TJP2: variants seen among roughly 807,000 people sequenced by gnomAD.
TJP2 encodes the protein Friedreich ataxia region gene X104 (tight junction protein ZO-2).
TJP2 carries 91 observed loss-of-function variants against 133.1 expected under a neutral mutation model. The ratio of observed to expected loss-of-function variants is 0.68; its 90% confidence interval spans 0.58 to 0.81. The LOEUF is 0.81. Ranked by LOEUF, TJP2 falls within the 40% of genes least tolerant of loss-of-function variation. TJP2 has a pLI of 0.00. For synonymous variants in TJP2, 592 were observed against 583.4 expected (o/e 1.01, Z -0.21); for missense variants, 1,541 against 1,565.6 (o/e 0.98, Z 0.26).
upstream of TJP2, among the ~76,000 whole-genome samples, chr9:69,171,953 G>A (rs1222730389): frequency 6.6e-6 from 1 of 151,922 alleles, no homozygotes; most frequent in Non-Finnish European, 1.5e-5. Flanking sequence ...GCGCCACCAC[G>A]CCCAGCTAAT....
Position 69,254,509 on chromosome 9 carries a change from A to C in TJP2, c.*135A>C. The C allele has an allele frequency of 8.6e-7, 1 of 1,159,696 alleles. No individual in the cohort carries two copies. 71.8% of individuals were successfully genotyped at this position (1,159,696 alleles called of 1,614,324 possible). On this transcript the variant is annotated 3_prime_UTR_variant, in exon 23 of 23. Transcript: ENST00000377245. The stretch of plus-strand genomic sequence containing the variant: ...GTGGGACTCCAGCTCGTGTGTCCTC[A>C]TGGAGAACCCAGGGGACAGCTGGTG...
intron 1 of TJP2, among the ~76,000 whole-genome samples, chr9:69,206,118 T>C (rs576100534): frequency 1.4e-4 from 22 of 152,348 alleles, no homozygotes; most frequent in African/African-American, 4.6e-4. Context: ...TAACTTTCCA[T>C]GAGGTCTTAA....
At chr9:69,237,779 C>A in intron 14 of TJP2, 99 bp from the exon 15 acceptor site, 1 of 858,348 alleles carries the variant, frequency 1.2e-6, no homozygotes, top group Non-Finnish European at 2.0e-6. Context: ...CAGTTTCTTT[C>A]GTTTAGTTAT....
intron 19 of TJP2, chr9:69,248,511 T>G (rs528557056): frequency 7.7e-7 from 1 of 1,295,128 alleles, no homozygotes; most frequent in Non-Finnish European, 9.8e-7. Flanking sequence ...CTGTCCAAAT[T>G]ACCAGCGGAA....
chr9:69,168,509 T>C (rs1165276104), intron 2 of TJP2, among the ~76,000 whole-genome samples: 3 of 152,028 alleles, frequency 2.0e-5, no homozygotes, highest in South Asian at 2.1e-4. Flanking sequence ...AAAGTGATCA[T>C]GAGGGCAGGA....
At chr9:69,157,592 A>G (rs1823839063) in intron 2 of TJP2, among the ~76,000 whole-genome samples, 1 of 151,666 alleles carries the variant, frequency 6.6e-6, no homozygotes, top group African/African-American at 2.4e-5. Context: ...CAGCCTCTTG[A>G]GTAGCTGGGA....
rs1588150993 is a variant in TJP2, at chr9:69,246,479, C to G, written c.2567-211C>G. ...AAATCTATTTTTAGCTTTATCACAT[C>G]CACCTATAATGTGAACTCAAACAGC... On this transcript the variant is annotated intron_variant, in intron 17 of 22. Transcript: ENST00000377245. 5.4e-6 allele frequency: 3 copies of G among 559,716 alleles called. No homozygotes were observed. In the East Asian group the frequency reaches 9.6e-5, roughly 18 times the overall value. The allele number at this position is 559,716 out of a possible 1,614,324, so 34.7% of individuals were successfully genotyped here. A position where few individuals can be genotyped will look rare whatever the true frequency, so the allele number is the denominator to read the frequency against.
intron 17 of TJP2, 44 bp from the exon 18 acceptor site, chr9:69,246,646 G>A (rs771444102): frequency 6.6e-7 from 1 of 1,508,016 alleles, no homozygotes; most frequent in African/African-American, 1.4e-5. Flanking sequence ...TAATAAACAT[G>A]CCTCTGGAAA....
chr9:69,244,265 A>G (rs1274849735), intron 17 of TJP2, among the ~76,000 whole-genome samples: 1 of 152,084 alleles, frequency 6.6e-6, no homozygotes, highest in Non-Finnish European at 1.5e-5. Context: ...ATCACAACCA[A>G]TCAATCTTAG....
intron 2 of TJP2, 125 bp downstream of exon 2, chr9:69,212,726 T>C (rs1032745045): frequency 6.9e-6 from 5 of 729,792 alleles, no homozygotes; most frequent in African/African-American, 3.5e-5. Flanking sequence ...TAATGTATTA[T>C]AGATACTAAC....
At position 69,221,162 on chromosome 9, in the gene TJP2, C is replaced by G. The variant is rs1828803957; in HGVS notation, c.618C>G (p.Asp206Glu). The part of the protein sequence containing the change: ...SRGRSLERGL[D>E]QDHARTRDRS... ...GCCGGAGCCTGGAGCGGGGCCTGGA[C>G]CAAGACCATGCGCGCACCCGAGACC... The change falls in exon 5 of 23, where the codon GAC becomes GAG. Residue 206 changes from aspartate to glutamate, a missense_variant. By Grantham distance (45) the Asp-to-Glu change is conservative. Transcript: ENST00000377245. 6.3e-7 allele frequency: 1 copy of G among 1,597,442 alleles called. No homozygotes were observed. Among genetic ancestry groups the G allele is most frequent in the Non-Finnish European group, 8.5e-7 (1 of 1,172,076 alleles).
chr9:69,157,631 A>G (rs1823841000), intron 2 of TJP2, among the ~76,000 whole-genome samples: 2 of 151,952 alleles, frequency 1.3e-5, no homozygotes. Context: ...ATGCCTAGCT[A>G]ATTTTTGTAT....
In TJP2 at chr9:69,240,206, G is replaced by A. The variant is rs7035000; in HGVS notation, c.2566+59G>A. ...AAAATGAGAAATAAAGAATTGAAGAGTAGAAGAAATAATTAATTAATCTGA... is the reference window on the plus strand; with the variant it reads ...AAAATGAGAAATAAAGAATTGAAGAATAGAAGAAATAATTAATTAATCTGA... On this transcript the variant is annotated intron_variant, in intron 17 of 22. Coordinates refer to ENST00000377245, the MANE Select transcript of TJP2 (RefSeq NM_004817.4). 0.71 allele frequency: 1,013,075 copies of A among 1,427,420 alleles called. 361,267 individuals are homozygous for A. The highest frequency in any genetic ancestry group is 0.77 in the Admixed American group (40,976 of 53,110). 88.4% of individuals were successfully genotyped at this position (1,427,420 alleles called of 1,614,324 possible). A position where few individuals can be genotyped will look rare whatever the true frequency, so the allele number is the denominator to read the frequency against.
At chr9:69,235,760 C>T (rs1230319950) in intron 12 of TJP2, among the ~76,000 whole-genome samples, 1 of 152,212 alleles carries the variant, frequency 6.6e-6, no homozygotes, top group African/African-American at 2.4e-5. Flanking sequence ...CATTCAAAAA[C>T]ACCCTCAGAG....
chr9:69,131,352 G>A (rs903712207), intron 1 of TJP2, among the ~76,000 whole-genome samples: 8 of 152,174 alleles, frequency 5.3e-5, no homozygotes, highest in Admixed American at 1.3e-4. Context: ...CGTTGTGAAG[G>A]TCAGGAGGTT....
chr9:69,203,428 G>T (rs551771497), intron 1 of TJP2, among the ~76,000 whole-genome samples: 21 of 151,796 alleles, frequency 1.4e-4, no homozygotes, highest in Middle Eastern at 3.4e-3. Context: ...CAGTCTCCTG[G>T]GTAGCTGGGG....
intron 20 of TJP2, 125 bp from the exon 21 acceptor site, chr9:69,250,910 G>A (rs1171768703): frequency 4.8e-6 from 5 of 1,038,192 alleles, no homozygotes; most frequent in East Asian, 2.4e-5. Context: ...TACATTCCTT[G>A]TCAGAATGGT....
chr9:69,210,660 C>A (rs1005108829), intron 1 of TJP2, among the ~76,000 whole-genome samples: 1 of 151,988 alleles, frequency 6.6e-6, no homozygotes, highest in Non-Finnish European at 1.5e-5. Context: ...TCCCTGGCAC[C>A]CCAGGCCCCA....
Position 69,212,579 on chromosome 9 carries a change from A to C in TJP2, c.92A>C (p.Gln31Pro). Residue 31 changes from glutamine (Q) to proline (P), a missense_variant, in exon 2 of 23, where the codon CAG becomes CCG. By Grantham distance (76) the Gln-to-Pro change is moderately conservative (BLOSUM62 -1). Coordinates refer to ENST00000377245, the MANE Select transcript of TJP2 (RefSeq NM_004817.4). ...APGMEELIWEQYTVTLQKDSK... is the reference protein window; with the variant it reads ...APGMEELIWEPYTVTLQKDSK... The stretch of plus-strand genomic sequence containing the variant: ...GGCATGGAAGAGCTGATATGGGAAC[A>C]GTACACTGTGACCCTACAAAAGGTG... The C allele has an allele frequency of 6.2e-7, 1 of 1,613,438 alleles. No homozygotes were observed. Among genetic ancestry groups the C allele is most frequent in the Non-Finnish European group, 8.5e-7 (1 of 1,179,428 alleles).
Sources: allele counts gnomAD v4.1 joint callset (sites outside exome capture counted in the v4.1 genomes callset), GRCh38; gene constraint gnomAD v4.1.1; transcripts MANE v1.5; gene names NCBI Gene and HGNC (gene_info 2026-07-23, HGNC 2026-07-21).